The following FBXO5 variants were observed in gnomAD, a reference collection of about 807,000 sequenced individuals.
The protein encoded by FBXO5 is F-box only protein 5.
A neutral mutation model predicts 43.3 loss-of-function variants in FBXO5; 8 were observed. That is an observed-to-expected ratio of 0.18 (90% CI 0.11 to 0.33). The LOEUF is 0.33. Ranked by LOEUF, FBXO5 falls within the 10% of genes least tolerant of loss-of-function variation. The pLI is 1.00. For synonymous variants in FBXO5, 204 were observed against 193.7 expected (o/e 1.05, Z -0.44); for missense variants, 491 against 535.7 (o/e 0.92, Z 0.82).
At chr6:152,973,294 T>C in intron 2 of FBXO5, 158 bp from the exon 3 acceptor site, 1 of 603,470 alleles carries the variant, frequency 1.7e-6, no homozygotes, top group Non-Finnish European at 2.9e-6. Context: ...TTAACTGGTC[T>C]AAAATGAAGC....
chr6:152,975,644 A>G, intron 1 of FBXO5, 23 bp from the exon 2 acceptor site: 1 of 1,495,426 alleles, frequency 6.7e-7, no homozygotes, highest in African/African-American at 1.4e-5. Context: ...CATAACATTT[A>G]CATCTTAATG....
At chr6:152,973,244 T>C (rs1445965512) in intron 2 of FBXO5, 108 bp from the exon 3 acceptor site, 1 of 875,256 alleles carries the variant, frequency 1.1e-6, no homozygotes, top group Non-Finnish European at 1.8e-6. Flanking sequence ...ATATTATTAG[T>C]GCTTCTCAAA....
At chr6:152,981,883 T>A (rs893923394) in intron 1 of FBXO5, among the ~76,000 whole-genome samples, 5 of 152,188 alleles carry the variant, frequency 3.3e-5, no homozygotes, top group Non-Finnish European at 7.3e-5. Context: ...TGCATATAGA[T>A]TTTATTTAGA....
At position 152,972,672 on chromosome 6, in the gene FBXO5, G is replaced by A. The variant is rs1048387878; in HGVS notation, c.910-218C>T. 9.1e-5 allele frequency: 46 copies of A among 505,296 alleles called. 1 individual carries two copies. The highest frequency in any genetic ancestry group is 1.3e-4 in the South Asian group (4 of 31,206). The allele number at this position is 505,296 out of a possible 1,614,324, so 31.3% of individuals were successfully genotyped here. Reference sequence around the variant, plus strand: ...ACAGAAACTGTGAACCAAATACTATGGGAAATCACTTTAGATGCAGTCTAT... The same window carrying A: ...ACAGAAACTGTGAACCAAATACTATAGGAAATCACTTTAGATGCAGTCTAT... On this transcript the variant is annotated intron_variant, in intron 3 of 4. Coordinates refer to ENST00000229758, the MANE Select transcript of FBXO5 (RefSeq NM_012177.5).
chr6:152,971,491 C>T, intron 4 of FBXO5, 77 bp from the exon 5 acceptor site: 1 of 1,413,464 alleles, frequency 7.1e-7, no homozygotes, highest in Non-Finnish European at 9.5e-7. Flanking sequence ...CCAAGGACAC[C>T]CTTGCACCTT....
chr6:152,975,353 T>C lies in FBXO5; in HGVS notation c.372A>G (p.Gln124=). 1 of 1,614,182 alleles carries C rather than the reference T, an allele frequency of 6.2e-7. No individual in the cohort carries two copies. Among genetic ancestry groups the C allele is most frequent in the South Asian group, 1.1e-5 (1 of 91,076 alleles). The change falls in exon 2 of 5, where the codon CAA becomes CAG. Residue 124 remains glutamine (Q), a synonymous_variant. Transcript: ENST00000229758. ...TTTCATTTGTACTATTAAGTGTCTG[T>C]TGCACATGTTGATTTTCCTTGTTAT... The part of the protein sequence containing the change: ...RLHNKENQHV[Q]QTLNSTNEIE...
At chr6:152,974,819 A>G in intron 2 of FBXO5, 88 bp downstream of exon 2, 1 of 1,027,698 alleles carries the variant, frequency 9.7e-7, no homozygotes, top group East Asian at 2.4e-5. Context: ...AACCTGTACA[A>G]CAGCCTTTGC....
chr6:152,970,983 A>T lies in FBXO5; in HGVS notation c.*180T>A. 1 of 478,806 alleles carries T rather than the reference A, an allele frequency of 2.1e-6. No individual in the cohort carries two copies. Among genetic ancestry groups the T allele is most frequent in the Non-Finnish European group, 3.5e-6 (1 of 284,870 alleles). The allele number at this position is 478,806 out of a possible 1,614,324, so 29.7% of individuals were successfully genotyped here. A position where few individuals can be genotyped will look rare whatever the true frequency, so the allele number is the denominator to read the frequency against. ...TGAGAATTTTAAACTTTTTCTCATT[A>T]AATTGTAAAAATATTTTAAGAGGTT... On this transcript the variant is annotated 3_prime_UTR_variant, in exon 5 of 5. Coordinates refer to ENST00000229758, the MANE Select transcript of FBXO5 (RefSeq NM_012177.5).
intron 1 of FBXO5, among the ~76,000 whole-genome samples, 186 bp downstream of exon 1, chr6:152,982,671 T>G (rs1378882111): frequency 6.6e-6 from 1 of 151,990 alleles, no homozygotes; most frequent in Non-Finnish European, 1.5e-5. Flanking sequence ...CTCTTCTGGC[T>G]TCCCCCCGAC....
At chr6:152,972,009 T>A (rs1044639196) in intron 4 of FBXO5, among the ~76,000 whole-genome samples, 1 of 152,178 alleles carries the variant, frequency 6.6e-6, no homozygotes, top group African/African-American at 2.4e-5. Flanking sequence ...TTCATAGAAA[T>A]ACATTTCTAC....
intron 1 of FBXO5, among the ~76,000 whole-genome samples, chr6:152,980,426 G>A (rs1778243146): frequency 6.6e-6 from 1 of 152,196 alleles, no homozygotes; most frequent in African/African-American, 2.4e-5. Context: ...TCAAGGAAGA[G>A]AAATATCTGT....
At chr6:152,979,700 T>C (rs1778232672) in intron 1 of FBXO5, among the ~76,000 whole-genome samples, 1 of 152,240 alleles carries the variant, frequency 6.6e-6, no homozygotes, top group East Asian at 1.9e-4. Context: ...TGGGTTATAA[T>C]CCAATACTAT....
chr6:152,970,614 C>T lies in FBXO5; in HGVS notation c.*549G>A, dbSNP rs1170807485. Reference sequence around the variant, plus strand: ...CATATAAAAAATACAGAAATATTTACATGTATACAAAAATATTAAAACAGA... The same window carrying T: ...CATATAAAAAATACAGAAATATTTATATGTATACAAAAATATTAAAACAGA... On this transcript the variant is annotated 3_prime_UTR_variant, in exon 5 of 5. Coordinates refer to ENST00000229758, the MANE Select transcript of FBXO5 (RefSeq NM_012177.5). 6.6e-6 allele frequency: 1 copy of T among 152,094 alleles called. No homozygotes were observed. The highest frequency in any genetic ancestry group is 2.4e-5 in the African/African-American group (1 of 41,394). The allele number at this position is 152,094 out of a possible 1,614,324, so 9.4% of individuals were successfully genotyped here.
At chr6:152,982,706 C>A in intron 1 of FBXO5, 151 bp downstream of exon 1, 1 of 509,208 alleles carries the variant, frequency 2.0e-6, no homozygotes, top group Non-Finnish European at 3.3e-6. Flanking sequence ...CTCCCGGACC[C>A]AGGAACCGCT....
At position 152,975,085 on chromosome 6, in the gene FBXO5, T is replaced by C. The variant is rs1304683405; in HGVS notation, c.640A>G (p.Lys214Glu). ...TLKKNAKRNP[K>E]VDREMLKEII... ...TCCTTCAGCATCTCCCGATCTACTT[T>C]AGGATTTCGTTTTGCATTCTTTTTT... The change falls in exon 2 of 5, where the codon AAA becomes GAA. Residue 214 changes from lysine to glutamate, a missense_variant. Physicochemically the swap from Lys to Glu is moderately conservative, Grantham distance 56 (BLOSUM62 1). Coordinates refer to ENST00000229758, the MANE Select transcript of FBXO5 (RefSeq NM_012177.5). The C allele has an allele frequency of 5.6e-6, 9 of 1,614,220 alleles. No individual in the cohort carries two copies. The highest frequency in any genetic ancestry group is 5.0e-5 in the Admixed American group (3 of 60,030).
In FBXO5 at chr6:152,970,790, T is replaced by C. The variant is rs1330472147; in HGVS notation, c.*373A>G. The C allele has an allele frequency of 6.2e-6, 1 of 161,560 alleles. No homozygotes were observed. The highest frequency in any genetic ancestry group is 6.2e-5 in the Admixed American group (1 of 16,242). The allele number at this position is 161,560 out of a possible 1,614,324, so 10.0% of individuals were successfully genotyped here. A position where few individuals can be genotyped will look rare whatever the true frequency, so the allele number is the denominator to read the frequency against. On this transcript the variant is annotated 3_prime_UTR_variant, in exon 5 of 5. Transcript: ENST00000229758. ...TGGTATCAATTGAGTAAGAGGAACA[T>C]AAAATGTCTGAAATGCTAACAGATG...
intron 1 of FBXO5, among the ~76,000 whole-genome samples, chr6:152,977,849 G>T (rs960314646): frequency 1.3e-5 from 2 of 152,184 alleles, no homozygotes; most frequent in Non-Finnish European, 2.9e-5. Context: ...AACAGTTACT[G>T]GGGGGTTGTC....
At chr6:152,979,023 G>T (rs1312525439) in intron 1 of FBXO5, among the ~76,000 whole-genome samples, 1 of 151,984 alleles carries the variant, frequency 6.6e-6, no homozygotes, top group Non-Finnish European at 1.5e-5. Flanking sequence ...AAAAGGTTTA[G>T]TATTTTAAAA....
intron 3 of FBXO5, 71 bp from the exon 4 acceptor site, chr6:152,972,525 T>C: frequency 9.3e-7 from 1 of 1,073,614 alleles, no homozygotes; most frequent in Non-Finnish European, 1.3e-6. Context: ...ATTTTTATGT[T>C]TGTACATATA....
Sources: gnomAD v4.1 joint callset for allele counts (sites outside exome capture counted in the v4.1 genomes callset) on GRCh38, gnomAD v4.1.1 for gene constraint, MANE v1.5 for transcripts, NCBI Gene and HGNC (gene_info 2026-07-23, HGNC 2026-07-21) for gene names.